RACGAP1: variants seen among roughly 807,000 people sequenced by gnomAD.
RACGAP1 encodes rac GTPase-activating protein 1.
RACGAP1 carries 30 observed loss-of-function variants against 78.1 expected under a neutral mutation model. The ratio of observed to expected loss-of-function variants is 0.38; its 90% CI spans 0.29 to 0.52. The LOEUF is 0.52. Ranked by LOEUF, RACGAP1 falls within the 20% of genes least tolerant of loss-of-function variation. The pLI is 0.82. For missense variants in RACGAP1, 587 were observed against 777.1 expected, an observed-to-expected ratio of 0.76 and a Z score of 2.91; for synonymous variants, 231 against 264.8, an observed-to-expected ratio of 0.87 and a Z score of 1.24.
chr12:49,992,250 G>A lies in RACGAP1; in HGVS notation c.1573C>T (p.Pro525Ser), dbSNP rs1947941233. The change falls in exon 14 of 17, where the codon CCC becomes TCC. Residue 525 changes from proline to serine, a missense_variant. Pro to Ser is a moderately conservative substitution (Grantham distance 74, BLOSUM62 -1). Transcript: ENST00000312377. ...ACACACACGCACCTGCCTACCTTGGGTTGACGCTTGATGTCCTGTAACATT... is the reference window on the plus strand; with the variant it reads ...ACACACACGCACCTGCCTACCTTGGATTGACGCTTGATGTCCTGTAACATT... ...VTMLQDIKRQPKVVERLLSLP... is the reference protein window; with the variant it reads ...VTMLQDIKRQSKVVERLLSLP... The A allele has an allele frequency of 1.2e-6, 2 of 1,614,102 alleles. No individual in the cohort carries two copies. The highest frequency in any genetic ancestry group is 1.1e-5 in the South Asian group (1 of 91,086).
chr12:50,031,860 T>C, exon 2 of RACGAP1: 4 of 463,778 alleles, frequency 8.6e-6, no homozygotes, highest in Non-Finnish European at 1.1e-5. Flanking sequence ...GTGGCTTGAC[T>C]TGCTCATCTA....
upstream of RACGAP1, among the ~76,000 whole-genome samples, chr12:50,027,186 A>G (rs1318077099): frequency 6.6e-6 from 1 of 152,240 alleles, no homozygotes; most frequent in Non-Finnish European, 1.5e-5. Context: ...ATTATTAAGA[A>G]AGGGATGAAG....
chr12:50,016,698 C>T lies in RACGAP1; in HGVS notation c.18G>A (p.Leu6=). Reference sequence around the variant, plus strand: ...GCTGCTCAAACAGATTCCGCACATTCAGCATCATAGTATCCATCTTTCTGC... The same window carrying T: ...GCTGCTCAAACAGATTCCGCACATTTAGCATCATAGTATCCATCTTTCTGC... The part of the protein sequence containing the change: MDTMM[L]NVRNLFEQLV... The change falls in exon 2 of 17, where the codon CTG becomes CTA. Residue 6 remains leucine, a synonymous_variant. Transcript: ENST00000312377. 1 of 1,613,994 alleles carries T rather than the reference C, an allele frequency of 6.2e-7. No homozygotes were observed. The highest frequency in any genetic ancestry group is 8.5e-7 in the Non-Finnish European group (1 of 1,180,042).
Position 49,990,034 on chromosome 12 carries a change from T to A in RACGAP1, c.*234A>T. 1 of 424,860 alleles carries A rather than the reference T, an allele frequency of 2.4e-6. No individual in the cohort carries two copies. The highest frequency in any genetic ancestry group is 7.3e-5 in the South Asian group (1 of 13,682). 26.3% of individuals were successfully genotyped at this position (424,860 alleles called of 1,614,324 possible). On this transcript the variant is annotated 3_prime_UTR_variant, in exon 17 of 17. Transcript: ENST00000312377. ...TAACCCTTCTACCCCTGGAAAGATG[T>A]CTCATCTAAAAGCTCCCAACAATGA...
intron 2 of RACGAP1, 46 bp from the exon 3 acceptor site, chr12:50,006,682 A>G (rs377523039): frequency 6.4e-7 from 1 of 1,563,606 alleles, no homozygotes; most frequent in Admixed American, 1.8e-5. Context: ...CAAACAGAGT[A>G]TAACTGCTCT....
intron 1 of RACGAP1, 188 bp downstream of exon 1, chr12:50,025,210 C>G: frequency 2.7e-6 from 2 of 744,260 alleles, no homozygotes; most frequent in Non-Finnish European, 3.3e-6. Flanking sequence ...CCCTCCCAGG[C>G]CGCGTCCATT....
At chr12:50,018,705 A>C in intron 1 of RACGAP1, 1 of 349,304 alleles carries the variant, frequency 2.9e-6, no homozygotes, top group East Asian at 9.6e-5. Context: ...ACCACGGCAA[A>C]ACTTCTATCT....
chr12:49,992,293 G>A lies in RACGAP1; in HGVS notation c.1530C>T (p.Pro510=). The change falls in exon 14 of 17, where the codon CCC becomes CCT. Residue 510 remains proline, a synonymous_variant. Transcript: ENST00000312377. ...GTAACATTGTCACTGGGTCTGGATT[G>A]GGCACAGCATGGGCCACTATTGTAG... ...FGPTIVAHAV[P]NPDPVTMLQD... The A allele has an allele frequency of 6.2e-7, 1 of 1,614,124 alleles. No individual in the cohort carries two copies. The highest frequency in any genetic ancestry group is 8.5e-7 in the Non-Finnish European group (1 of 1,180,036).
upstream of RACGAP1, among the ~76,000 whole-genome samples, chr12:50,026,899 G>C (rs1296246280): frequency 6.6e-6 from 1 of 152,140 alleles, no homozygotes; most frequent in Non-Finnish European, 1.5e-5. Context: ...GGCTAGTCTT[G>C]AACTCCTGGC....
upstream of RACGAP1, among the ~76,000 whole-genome samples, chr12:50,029,576 A>C (rs561752894): frequency 6.6e-6 from 1 of 151,938 alleles, no homozygotes; most frequent in Non-Finnish European, 1.5e-5. Context: ...TCTGTCTCAA[A>C]AAATAAAATT....
At chr12:50,020,429 T>G (rs958649053) in intron 1 of RACGAP1, among the ~76,000 whole-genome samples, 6 of 151,912 alleles carry the variant, frequency 3.9e-5, no homozygotes, top group African/African-American at 1.5e-4. Context: ...AGCAATCTGC[T>G]TGCCTCGGCC....
rs1415289468 is a variant in RACGAP1, at chr12:50,005,235, CA to C, written c.425+20del. 1 of 1,613,574 alleles carries C rather than the reference CA, an allele frequency of 6.2e-7. No individual in the cohort carries two copies. The highest frequency in any genetic ancestry group is 8.5e-7 in the Non-Finnish European group (1 of 1,179,936). On this transcript the variant is annotated intron_variant, in intron 4 of 16. Coordinates refer to ENST00000312377, the MANE Select transcript of RACGAP1 (RefSeq NM_001319999.2). Reference sequence around the variant, plus strand: ...GCCTGTGTTGCTTGTGATAGGATAACAACAGATGCAGTTCCTCCACCTTTTG... The same window carrying C: ...GCCTGTGTTGCTTGTGATAGGATAACACAGATGCAGTTCCTCCACCTTTTG...
chr12:50,026,719 AC>A (rs1950273929), upstream of RACGAP1, among the ~76,000 whole-genome samples: 1 of 152,206 alleles, frequency 6.6e-6, no homozygotes, highest in Non-Finnish European at 1.5e-5. Flanking sequence ...ACAGGGTCTT[AC>A]TCTGTCACGC....
intron 14 of RACGAP1, 36 bp from the exon 15 acceptor site, chr12:49,992,169 G>T (rs758889338): frequency 6.2e-7 from 1 of 1,612,768 alleles, no homozygotes; most frequent in Admixed American, 1.7e-5. Flanking sequence ...AACTTCCAAA[G>T]CTCAGGGCTT....
At chr12:50,011,790 C>A (rs1949347702) in intron 2 of RACGAP1, among the ~76,000 whole-genome samples, 1 of 151,592 alleles carries the variant, frequency 6.6e-6, no homozygotes, top group African/African-American at 2.4e-5. Flanking sequence ...CCCGTCTCTA[C>A]TAAAAATACA....
At chr12:50,031,335 C>T (rs572577248) in intron 2 of RACGAP1, among the ~76,000 whole-genome samples, 8 of 151,152 alleles carry the variant, frequency 5.3e-5, no homozygotes, top group Admixed American at 1.3e-4. Flanking sequence ...AAAAATTAGC[C>T]GGCCATTGTG....
chr12:50,030,459 G>T (rs1434508160), upstream of RACGAP1, among the ~76,000 whole-genome samples: 1 of 152,042 alleles, frequency 6.6e-6, no homozygotes, highest in Non-Finnish European at 1.5e-5. Context: ...AGGCTGAGAA[G>T]GGTGGATCAC....
chr12:50,030,348 CA>C (rs58620170), upstream of RACGAP1, among the ~76,000 whole-genome samples: 11,713 of 82,562 alleles, frequency 0.14, 1,495 homozygotes, highest in African/African-American at 0.34. Context: ...GACCTTGTCT[CA>C]AAAAAAAAAA....
intron 1 of RACGAP1, among the ~76,000 whole-genome samples, chr12:50,017,615 T>C (rs544120620): frequency 6.6e-6 from 1 of 152,330 alleles, no homozygotes; most frequent in East Asian, 1.9e-4. Context: ...CTGGATGTTA[T>C]GAAAACTATC....
Sources: allele counts gnomAD v4.1 joint callset (sites outside exome capture counted in the v4.1 genomes callset), GRCh38; gene constraint gnomAD v4.1.1; transcripts MANE v1.5; gene names NCBI Gene and HGNC (gene_info 2026-07-23, HGNC 2026-07-21).